ABCA1: variants seen among roughly 807,000 people sequenced by gnomAD.
ABCA1 encodes ATP binding cassette subfamily A member 1.
Under a neutral mutation model 262.5 loss-of-function variants are expected in ABCA1, and 133 were observed. The ratio of observed to expected loss-of-function variants is 0.51; its 90% CI spans 0.44 to 0.59. The LOEUF (loss-of-function observed/expected upper bound fraction) is 0.59. ABCA1 is among the 20% of genes least tolerant of loss of function. ABCA1 has a pLI of 0.00. For synonymous variants in ABCA1, 1,022 were observed against 1,043.5 expected (o/e 0.98, Z 0.40); for missense variants, 2,452 against 2,777.5 (o/e 0.88, Z 2.63).
chr9:104,810,951 G>A (rs1831226132), intron 28 of ABCA1, 27 bp from the exon 29 acceptor site: 2 of 1,613,830 alleles, frequency 1.2e-6, no homozygotes, highest in African/African-American at 1.3e-5. Flanking sequence ...GAGGGGGCAG[G>A]GGGACAGCAG....
intron 1 of ABCA1, among the ~76,000 whole-genome samples, chr9:104,915,224 T>C (rs775099266): frequency 2.6e-5 from 4 of 152,240 alleles, no homozygotes; most frequent in Non-Finnish European, 5.9e-5. Context: ...AGAACGTCCT[T>C]TCACCAGCCA....
At chr9:104,899,848 T>C (rs1340779835) in intron 2 of ABCA1, among the ~76,000 whole-genome samples, 17 of 152,230 alleles carry the variant, frequency 1.1e-4, no homozygotes, top group Admixed American at 1.1e-3. Flanking sequence ...TGGATCAGCC[T>C]AAAACCAGAT....
chr9:104,862,376 TGACAG>T (rs1169195424), intron 5 of ABCA1, among the ~76,000 whole-genome samples: 2 of 122,974 alleles, frequency 1.6e-5, no homozygotes, highest in Admixed American at 8.4e-5. Flanking sequence ...CCCAAAGTGC[TGACAG>T]TACAGGCGTG....
intron 22 of ABCA1, among the ~76,000 whole-genome samples, chr9:104,819,258 G>C (rs1832051555): frequency 6.6e-6 from 1 of 152,180 alleles, no homozygotes; most frequent in Non-Finnish European, 1.5e-5. Flanking sequence ...TTGGCTCCAA[G>C]CCTGCCTGTG....
rs933632092 is a variant in ABCA1 at position 104,784,032 on chromosome 9, C to CCATTGGT, written c.*282_*283insACCAATG. The CCATTGGT allele has an allele frequency of 2.7e-5, 10 of 377,344 alleles. No homozygotes were observed. The highest frequency in any genetic ancestry group is 1.6e-4 in the African/African-American group (8 of 48,708). The allele number at this position is 377,344 out of a possible 1,614,324, so 23.4% of individuals were successfully genotyped here. A position where few individuals can be genotyped will look rare whatever the true frequency, so the allele number is the denominator to read the frequency against. On this transcript the variant is annotated 3_prime_UTR_variant, in exon 50 of 50. Transcript: ENST00000374736. ...AAAGTGTGAGTTCAAACCCATATGT[C>CCATTGGT]CATTGGGTTCCATAATAGAGTTTCA...
At chr9:104,875,072 A>G (rs1237789199) in intron 5 of ABCA1, among the ~76,000 whole-genome samples, 1 of 152,170 alleles carries the variant, frequency 6.6e-6, no homozygotes, top group Non-Finnish European at 1.5e-5. Context: ...GGGAAAAGAT[A>G]GAGAAATCAG....
At chr9:104,837,626 A>G in intron 9 of ABCA1, 59 bp from the exon 10 acceptor site, 1 of 1,600,746 alleles carries the variant, frequency 6.2e-7, no homozygotes, top group Non-Finnish European at 8.5e-7. Context: ...ATAGAAACTT[A>G]CAAGGGCTTT....
intron 7 of ABCA1, among the ~76,000 whole-genome samples, chr9:104,852,663 A>C (rs1835473712): frequency 6.6e-6 from 1 of 152,188 alleles, no homozygotes; most frequent in African/African-American, 2.4e-5. Flanking sequence ...AATGAGGTGA[A>C]CATAGAGTCT....
chr9:104,794,771 G>A, intron 39 of ABCA1, among the ~76,000 whole-genome samples: 1 of 152,122 alleles, frequency 6.6e-6, no homozygotes, highest in Non-Finnish European at 1.5e-5. Context: ...AATGAATAAA[G>A]CTTAGAAACA....
intron 40 of ABCA1, among the ~76,000 whole-genome samples, 171 bp from the exon 41 acceptor site, chr9:104,793,471 C>T (rs1230132699): frequency 6.6e-6 from 1 of 151,792 alleles, no homozygotes; most frequent in Non-Finnish European, 1.5e-5. Context: ...CTTTCCAAGT[C>T]TGATTTGGGA....
At chr9:104,846,416 T>C (rs1245060136) in intron 7 of ABCA1, among the ~76,000 whole-genome samples, 1 of 152,234 alleles carries the variant, frequency 6.6e-6, no homozygotes, top group Non-Finnish European at 1.5e-5. Flanking sequence ...CATTGTTTTA[T>C]TCAATATCAT....
chr9:104,810,764 T>C, intron 29 of ABCA1, 36 bp downstream of exon 29: 3 of 1,614,114 alleles, frequency 1.9e-6, no homozygotes, highest in Non-Finnish European at 2.5e-6. Flanking sequence ...TCTGCTCGAA[T>C]CTTACCCCCT....
At position 104,827,049 on chromosome 9, in the gene ABCA1, C is replaced by T. The variant is rs1832869760; in HGVS notation, c.2236G>A (p.Ala746Thr). ...TAGATGATGCCCCCACAGGCTGCTG[C>T]CAGGTTGGCTCTGGAGAAGAGTGTG... Reference protein sequence around the residue: ...ISTLFSRANLAAACGGIIYFT... With the variant: ...ISTLFSRANLTAACGGIIYFT... Residue 746 changes from alanine (A) to threonine (T), a missense_variant, in exon 16 of 50, where the codon GCA becomes ACA. Ala to Thr is a moderately conservative substitution (Grantham distance 58). This residue lies in a region of ABCA1 where 1,032 missense variants were observed against 1,089.7 expected (regional missense o/e 0.95). Transcript: ENST00000374736. 15 of 1,614,056 alleles carry T rather than the reference C, an allele frequency of 9.3e-6. No homozygotes were observed. The highest frequency in any genetic ancestry group is 1.2e-5 in the Non-Finnish European group (14 of 1,180,038).
At chr9:104,835,755 T>C (rs1833765051) in intron 11 of ABCA1, among the ~76,000 whole-genome samples, 1 of 152,188 alleles carries the variant, frequency 6.6e-6, no homozygotes. Flanking sequence ...AGATTCCTAA[T>C]GAATGCCATT....
intron 1 of ABCA1, among the ~76,000 whole-genome samples, chr9:104,907,513 A>G (rs1326576009): frequency 6.6e-6 from 1 of 152,160 alleles, no homozygotes; most frequent in African/African-American, 2.4e-5. Flanking sequence ...AGAGACGGAT[A>G]GGAGAAATAG....
chr9:104,926,545 G>A (rs1042226125), intron 1 of ABCA1, among the ~76,000 whole-genome samples: 3 of 151,738 alleles, frequency 2.0e-5, no homozygotes, highest in African/African-American at 2.4e-5. Context: ...GGTCTTCACC[G>A]GATTCACAGT....
At position 104,802,209 on chromosome 9, in the gene ABCA1, C is replaced by A. The variant is rs769296985; in HGVS notation, c.4593-50G>T. On this transcript the variant is annotated intron_variant, in intron 33 of 49. Coordinates refer to ENST00000374736, the MANE Select transcript of ABCA1 (RefSeq NM_005502.4). ...ACCCAGACAGTGGGGTGCACAGTAT[C>A]ATCAGCAGCAGACTCAGTGCGAGTG... is the stretch of plus-strand genomic sequence containing the variant. The A allele has an allele frequency of 1.0e-5, 15 of 1,495,066 alleles. No homozygotes were observed. The South Asian group carries it at 1.7e-4, about 17-fold the overall frequency. The allele number at this position is 1,495,066 out of a possible 1,614,324, so 92.6% of individuals were successfully genotyped here.
At chr9:104,791,836 T>G in intron 43 of ABCA1, 100 bp downstream of exon 43, 1 of 1,258,338 alleles carries the variant, frequency 7.9e-7, no homozygotes, top group Non-Finnish European at 1.1e-6. Flanking sequence ...ACAGAAGCCT[T>G]TAAAATCCAC....
chr9:104,821,628 T>C, intron 19 of ABCA1, 122 bp from the exon 20 acceptor site: 2 of 1,177,712 alleles, frequency 1.7e-6, no homozygotes, highest in Non-Finnish European at 2.4e-6. Context: ...TCCTTTCTAA[T>C]GAACCCTACC....
Sources: allele counts gnomAD v4.1 joint callset (sites outside exome capture counted in the v4.1 genomes callset), GRCh38; gene constraint gnomAD v4.1.1; regional missense constraint gnomAD v4.1.1; transcripts MANE v1.5; gene names NCBI Gene and HGNC (gene_info 2026-07-23, HGNC 2026-07-21).